The following ST6GALNAC3 variants were observed in gnomAD, a reference collection of about 807,000 sequenced individuals.
The protein encoded by ST6GALNAC3 is alpha-N-acetylgalactosaminide alpha-2,6-sialyltransferase 3.
ST6GALNAC3 carries 25 observed loss-of-function variants against 32.7 expected under a neutral mutation model. That is an observed-to-expected ratio of 0.76 (90% confidence interval 0.56 to 1.07). ST6GALNAC3 has a LOEUF of 1.07. Ranked by LOEUF, ST6GALNAC3 falls within the 50% of genes least tolerant of loss-of-function variation. The probability of loss-of-function intolerance (pLI) is 0.00; values close to 1 mark genes in which losing one functional copy is unlikely to be tolerated. For missense variants in ST6GALNAC3, 355 were observed against 382.4 expected (o/e 0.93, Z 0.60); for synonymous variants, 129 against 133.1 (o/e 0.97, Z 0.21).
intron 1 of ST6GALNAC3, among the ~76,000 whole-genome samples, chr1:76,100,301 A>G (rs183025410): frequency 2.2e-4 from 34 of 152,216 alleles, no homozygotes; most frequent in African/African-American, 7.9e-4. Context: ...AAAGTTGTCA[A>G]TATTTTATCA....
chr1:76,621,929 TATTG>T (rs1648674217), intron 3 of ST6GALNAC3, among the ~76,000 whole-genome samples: 1 of 152,000 alleles, frequency 6.6e-6, no homozygotes, highest in South Asian at 2.1e-4. Flanking sequence ...AGACATGAAA[TATTG>T]ATTAATTCTT....
chr1:76,426,173 T>C (rs1197476223), intron 3 of ST6GALNAC3, among the ~76,000 whole-genome samples: 1 of 151,858 alleles, frequency 6.6e-6, no homozygotes, highest in Non-Finnish European at 1.5e-5. Context: ...CTTTTCAAAC[T>C]CTATTTTCCT....
At chr1:76,092,952 T>A (rs1009240063) in intron 1 of ST6GALNAC3, among the ~76,000 whole-genome samples, 6 of 152,214 alleles carry the variant, frequency 3.9e-5, no homozygotes, top group Admixed American at 3.9e-4. Context: ...TCCATCTTGT[T>A]TTTCTCTGGA....
At position 76,473,305 on chromosome 1, in the gene ST6GALNAC3, G is replaced by A. The variant is rs140025792; in HGVS notation, c.623+60888G>A. On this transcript the variant is annotated intron_variant, in intron 3 of 4. Coordinates refer to ENST00000328299, the MANE Select transcript of ST6GALNAC3 (RefSeq NM_152996.4). ...GAATGTATAGTCTAACCAAAGGATTGAGAAGTCAGGTATGATAAGAAATTG... is the reference window on the plus strand; with the variant it reads ...GAATGTATAGTCTAACCAAAGGATTAAGAAGTCAGGTATGATAAGAAATTG... 2.6e-4 allele frequency among the ~76,000 whole-genome samples: 40 copies of A among 152,230 alleles called. No homozygotes were observed. In the East Asian group the frequency reaches 5.8e-3, roughly 22 times the overall value.
intron 1 of ST6GALNAC3, among the ~76,000 whole-genome samples, chr1:76,168,245 T>G (rs546370870): frequency 1.3e-4 from 20 of 152,276 alleles, no homozygotes; most frequent in African/African-American, 4.8e-4. Flanking sequence ...TTTTTTTACC[T>G]CAAAGCCATT....
At chr1:76,596,246 G>A (rs536851666) in intron 3 of ST6GALNAC3, among the ~76,000 whole-genome samples, 7 of 152,096 alleles carry the variant, frequency 4.6e-5, no homozygotes, top group African/African-American at 9.6e-5. Context: ...ACCTAATAAC[G>A]TAGTCATGCC....
intron 1 of ST6GALNAC3, among the ~76,000 whole-genome samples, chr1:76,187,387 A>G (rs754345988): frequency 6.6e-5 from 10 of 152,220 alleles, no homozygotes; most frequent in Non-Finnish European, 1.3e-4. Flanking sequence ...CTGTACGTGC[A>G]TTCAAGTTAC....
chr1:76,172,931 A>G (rs867025516), intron 1 of ST6GALNAC3, among the ~76,000 whole-genome samples: 14 of 152,328 alleles, frequency 9.2e-5, no homozygotes, highest in South Asian at 2.1e-4. Flanking sequence ...TACAGATTCA[A>G]TGCTATTCCT....
At chr1:76,538,472 C>CT (rs1663767528) in intron 3 of ST6GALNAC3, among the ~76,000 whole-genome samples, 2 of 152,114 alleles carry the variant, frequency 1.3e-5, no homozygotes, top group Non-Finnish European at 2.9e-5. Context: ...GACAAGGATG[C>CT]CCTCTCTCAC....
At position 76,537,679 on chromosome 1, in the gene ST6GALNAC3, A is replaced by C. The variant is rs190844453; in HGVS notation, c.624-89773A>C. 1.7e-3 allele frequency among the ~76,000 whole-genome samples: 266 copies of C among 152,318 alleles called. 1 individual carries two copies. The highest frequency in any genetic ancestry group is 6.2e-3 in the African/African-American group (256 of 41,584). On this transcript the variant is annotated intron_variant, in intron 3 of 4. Transcript: ENST00000328299. The stretch of plus-strand genomic sequence containing the variant: ...CGTTAAACACAATAAGAAATGATAA[A>C]GAGGATGTCACCACTGATCCCACAG...
At chr1:76,347,577 A>G (rs1484598635) in intron 2 of ST6GALNAC3, among the ~76,000 whole-genome samples, 3 of 152,166 alleles carry the variant, frequency 2.0e-5, no homozygotes, top group Non-Finnish European at 4.4e-5. Context: ...ATGGTATCTA[A>G]GCTATTTAAT....
At chr1:76,404,509 C>T (rs1434347807) in intron 2 of ST6GALNAC3, among the ~76,000 whole-genome samples, 3 of 152,000 alleles carry the variant, frequency 2.0e-5, no homozygotes, top group Non-Finnish European at 4.4e-5. Context: ...TTGTTAATGC[C>T]TCTTTTGTAC....
At chr1:76,349,120 A>G (rs974947409) in intron 2 of ST6GALNAC3, among the ~76,000 whole-genome samples, 2 of 152,168 alleles carry the variant, frequency 1.3e-5, no homozygotes, top group Admixed American at 1.3e-4. Flanking sequence ...TGATATTTAC[A>G]TATGTAACAT....
chr1:76,178,403 G>T (rs965222656), intron 1 of ST6GALNAC3, among the ~76,000 whole-genome samples: 3 of 152,178 alleles, frequency 2.0e-5, no homozygotes, highest in Non-Finnish European at 4.4e-5. Flanking sequence ...CAACCCAGAG[G>T]CCCTAATGGT....
chr1:76,211,971 T>G (rs1655194197), intron 1 of ST6GALNAC3, among the ~76,000 whole-genome samples: 1 of 152,138 alleles, frequency 6.6e-6, no homozygotes, highest in Admixed American at 6.5e-5. Context: ...AGTCCCCATC[T>G]CCAACATAGT....
chr1:76,423,713 A>G (rs73006135), intron 3 of ST6GALNAC3, among the ~76,000 whole-genome samples: 6,821 of 152,102 alleles, frequency 0.045, 269 homozygotes, highest in African/African-American at 0.11. Context: ...GCACTATTAC[A>G]GGCATGTAAT....
intron 3 of ST6GALNAC3, among the ~76,000 whole-genome samples, chr1:76,473,921 A>G (rs1247392251): frequency 6.6e-6 from 1 of 152,088 alleles, no homozygotes; most frequent in Non-Finnish European, 1.5e-5. Flanking sequence ...CATTTTTGCC[A>G]TGTTAGAATC....
Position 76,520,010 on chromosome 1 carries a change from T to TACACTTTAAAAAATTAAATAC in ST6GALNAC3, c.624-107440_624-107420dup, listed in dbSNP as rs573453182. ...ACTGAAGTGTATATATTTTTAAATA[T>TACACTTTAAAAAATTAAATAC]ACACTTTAAAAAATTAAATACATAT... On this transcript the variant is annotated intron_variant, in intron 3 of 4. Transcript: ENST00000328299. 9.2e-5 allele frequency among the ~76,000 whole-genome samples: 14 copies of TACACTTTAAAAAATTAAATAC among 152,108 alleles called. No individual in the cohort carries two copies. The South Asian group carries it at 2.9e-3, about 31-fold the overall frequency.
At chr1:76,489,204 A>G (rs963194832) in intron 3 of ST6GALNAC3, among the ~76,000 whole-genome samples, 4 of 152,164 alleles carry the variant, frequency 2.6e-5, no homozygotes, top group Non-Finnish European at 5.9e-5. Flanking sequence ...CAGGTATTTG[A>G]GTACTATTAC....
Sources: allele counts gnomAD v4.1 joint callset (sites outside exome capture counted in the v4.1 genomes callset), GRCh38; gene constraint gnomAD v4.1.1; transcripts MANE v1.5; gene names NCBI Gene and HGNC (gene_info 2026-07-23, HGNC 2026-07-21).